Variants in ANO4 observed in about 807,000 individuals in gnomAD.
The protein encoded by ANO4 is anoctamin-4.
A neutral mutation model predicts 141.9 loss-of-function variants in ANO4; 69 were observed. The observed-to-expected ratio is 0.49, with a 90% CI of 0.40 to 0.59. The LOEUF (loss-of-function observed/expected upper bound fraction) is 0.59. Ranked by LOEUF, ANO4 falls within the 20% of genes least tolerant of loss-of-function variation. The probability of loss-of-function intolerance (pLI) is 0.00; values close to 1 mark genes in which losing one functional copy is unlikely to be tolerated. For synonymous variants in ANO4, 350 were observed against 394.3 expected (o/e 0.89, Z 1.33); for missense variants, 894 against 1,162.2 (o/e 0.77, Z 3.36).
intron 3 of ANO4, among the ~76,000 whole-genome samples, chr12:100,770,221 G>C (rs1348893904): frequency 1.3e-5 from 2 of 152,212 alleles, no homozygotes; most frequent in African/African-American, 4.8e-5. Flanking sequence ...ACTGCCATCA[G>C]AATCACCGGG....
At chr12:100,861,263 A>T (rs948318854) in intron 1 of ANO4, among the ~76,000 whole-genome samples, 1 of 152,114 alleles carries the variant, frequency 6.6e-6, no homozygotes, top group African/African-American at 2.4e-5. Context: ...TTCGACCAGG[A>T]TGTCCAGCTG....
intron 5 of ANO4, among the ~76,000 whole-genome samples, chr12:100,946,284 G>A (rs906826565): frequency 1.3e-5 from 2 of 152,204 alleles, no homozygotes; most frequent in African/African-American, 4.8e-5. Context: ...AGAGATTTGA[G>A]CAGAAATATA....
chr12:101,037,176 C>A, intron 10 of ANO4, 26 bp downstream of exon 10: 2 of 1,608,636 alleles, frequency 1.2e-6, no homozygotes, highest in Non-Finnish European at 1.7e-6. Context: ...TAATCTTTAT[C>A]TTTCTTTCAA....
At chr12:101,035,392 G>C (rs1330243584) in intron 9 of ANO4, among the ~76,000 whole-genome samples, 1 of 152,188 alleles carries the variant, frequency 6.6e-6, no homozygotes, top group Non-Finnish European at 1.5e-5. Context: ...AAGGGTGGCA[G>C]ATTAGAATGT....
At chr12:101,097,194 A>G (rs555325847) in intron 19 of ANO4, among the ~76,000 whole-genome samples, 1 of 150,324 alleles carries the variant, frequency 6.7e-6, no homozygotes, top group East Asian at 2.0e-4. Flanking sequence ...GAACCTGGGA[A>G]GGACCAGGTA....
At chr12:101,084,852 GGAC>G (rs2049419926) in intron 16 of ANO4, among the ~76,000 whole-genome samples, 1 of 152,202 alleles carries the variant, frequency 6.6e-6, no homozygotes. Flanking sequence ...GCTATGGAAA[GGAC>G]AAGCTTGCCC....
Position 100,939,340 on chromosome 12 carries a change from TG to T in ANO4, c.187del (p.Asp63MetfsTer3). On this transcript the variant is annotated frameshift_variant, in exon 4 of 28. Transcript: ENST00000392977. LOFTEE classifies it high-confidence loss of function. ...TGGCCAAGGATGTCAATATTCTTTT[TG>T]ATGAATTAGAAGCTGTCAGCAGTCC... The part of the protein sequence containing the change: ...EMAKDVNILF[D>X]ELEAVSSPCK... 1 of 1,613,472 alleles carries T rather than the reference TG, an allele frequency of 6.2e-7. No homozygotes were observed. Among genetic ancestry groups the T allele is most frequent in the Non-Finnish European group, 8.5e-7 (1 of 1,179,500 alleles).
chr12:101,111,504 T>C, intron 23 of ANO4, 59 bp from the exon 24 acceptor site: 1 of 1,414,890 alleles, frequency 7.1e-7, no homozygotes, highest in Non-Finnish European at 9.4e-7. Context: ...ATTCCATTTT[T>C]TCATAATTAT....
chr12:101,037,354 C>T (rs207473308), intron 10 of ANO4, among the ~76,000 whole-genome samples: 1 of 152,054 alleles, frequency 6.6e-6, no homozygotes, highest in East Asian at 1.9e-4. Context: ...CATGTAATTG[C>T]GAGAATACTT....
chr12:100,767,863 C>G (rs1466563341), intron 3 of ANO4, among the ~76,000 whole-genome samples: 1 of 152,178 alleles, frequency 6.6e-6, no homozygotes, highest in African/African-American at 2.4e-5. Flanking sequence ...TACACTTTCC[C>G]CACCTCACAT....
chr12:100,734,101 A>C (rs977265428), intron 2 of ANO4, among the ~76,000 whole-genome samples: 28 of 152,366 alleles, frequency 1.8e-4, no homozygotes, highest in African/African-American at 6.0e-4. Context: ...TCTTGTTCCC[A>C]GATCTTCATC....
At chr12:100,830,622 T>C (rs1013158333) in intron 1 of ANO4, among the ~76,000 whole-genome samples, 1 of 152,020 alleles carries the variant, frequency 6.6e-6, no homozygotes, top group Non-Finnish European at 1.5e-5. Context: ...TCTTGGGTAA[T>C]AATGGACATC....
At chr12:100,748,450 C>T (rs916068867) in intron 3 of ANO4, among the ~76,000 whole-genome samples, 1 of 152,150 alleles carries the variant, frequency 6.6e-6, no homozygotes, top group African/African-American at 2.4e-5. Context: ...CCAGCCTGAG[C>T]CTTTCTGCTA....
chr12:100,804,127 G>A (rs904196054), intron 1 of ANO4, among the ~76,000 whole-genome samples: 3 of 152,150 alleles, frequency 2.0e-5, no homozygotes, highest in African/African-American at 7.2e-5. Flanking sequence ...ACAGGCCCCA[G>A]TGTGTGTTGT....
intron 2 of ANO4, among the ~76,000 whole-genome samples, chr12:100,917,098 A>C (rs2041378067): frequency 6.6e-6 from 1 of 152,190 alleles, no homozygotes; most frequent in Admixed American, 6.5e-5. Flanking sequence ...ACAGAATCAC[A>C]ATTAAGTATT....
rs1367552664 is a variant in ANO4 at position 101,097,711 on chromosome 12, C to T, written c.1908+3C>T. 6.2e-7 allele frequency: 1 copy of T among 1,613,578 alleles called. No homozygotes were observed. The highest frequency in any genetic ancestry group is 1.1e-5 in the South Asian group (1 of 91,062). ...TAAACAGGTGGAGACTAGAAGAGGT[C>T]TGTATTCTCCCATCATTCCTTGTTT... is the stretch of plus-strand genomic sequence containing the variant. On this transcript the variant is annotated splice_donor_region_variant and intron_variant, in intron 20 of 27. Transcript: ENST00000392977.
chr12:100,908,133 G>A lies in ANO4; in HGVS notation c.55+6293G>A, dbSNP rs561005983. 1.5e-3 allele frequency among the ~76,000 whole-genome samples: 223 copies of A among 152,200 alleles called. 1 individual carries two copies. Among genetic ancestry groups the A allele is most frequent in the Admixed American group, 6.0e-3 (91 of 15,282 alleles). ...CCAGCACTTTGGGAGGCCGAGGCGGGTGGATCAGCTGAGGTCAGGAGTTCA... is the reference window on the plus strand; with the variant it reads ...CCAGCACTTTGGGAGGCCGAGGCGGATGGATCAGCTGAGGTCAGGAGTTCA... On this transcript the variant is annotated intron_variant, in intron 2 of 27. Transcript: ENST00000392977.
chr12:101,014,761 G>A (rs561787820), intron 8 of ANO4, among the ~76,000 whole-genome samples: 5 of 152,126 alleles, frequency 3.3e-5, no homozygotes, highest in Admixed American at 1.3e-4. Flanking sequence ...CCTCTTCACC[G>A]AATTTCAGGG....
At chr12:101,049,242 A>T (rs907878924) in intron 14 of ANO4, among the ~76,000 whole-genome samples, 2 of 152,162 alleles carry the variant, frequency 1.3e-5, no homozygotes, top group Admixed American at 1.3e-4. Context: ...TTGATGTAAC[A>T]AAATTCTACT....
Sources: allele counts gnomAD v4.1 joint callset (sites outside exome capture counted in the v4.1 genomes callset), GRCh38; gene constraint gnomAD v4.1.1; transcripts MANE v1.5; gene names NCBI Gene and HGNC (gene_info 2026-07-23, HGNC 2026-07-21).